The following CEP68 variants were observed in gnomAD, a reference collection of about 807,000 sequenced individuals.
CEP68 encodes the protein centrosomal protein 68.
In CEP68, 26 loss-of-function variants were observed where a neutral mutation model predicts 55.3. That is an observed-to-expected ratio of 0.47 (90% CI 0.34 to 0.65). The LOEUF (loss-of-function observed/expected upper bound fraction) is 0.65. Ranked by LOEUF, CEP68 falls within the 30% of genes least tolerant of loss-of-function variation. The probability of loss-of-function intolerance (pLI) is 0.01; values close to 1 mark genes in which losing one functional copy is unlikely to be tolerated. For missense variants in CEP68, 957 were observed against 946.7 expected, an observed-to-expected ratio of 1.01 and a Z score of -0.14; for synonymous variants, 402 against 383.2, an observed-to-expected ratio of 1.05 and a Z score of -0.57.
chr2:65,079,932 G>A (rs1395264365), intron 5 of CEP68, among the ~76,000 whole-genome samples: 1 of 152,138 alleles, frequency 6.6e-6, no homozygotes, highest in Non-Finnish European at 1.5e-5. Context: ...TCGGGAGTTT[G>A]AGACCAGCCT....
At position 65,069,650 on chromosome 2, in the gene CEP68, G is replaced by A; in HGVS notation, c.206G>A (p.Gly69Glu). The A allele has an allele frequency of 6.2e-7, 1 of 1,614,094 alleles. No homozygotes were observed. Among genetic ancestry groups the A allele is most frequent in the Non-Finnish European group, 8.5e-7 (1 of 1,180,028 alleles). Reference protein sequence around the residue: ...EGIPAPTCWIGTDPGGPSRAH... With the variant: ...EGIPAPTCWIETDPGGPSRAH... ...ATACCTGCCCCTACTTGCTGGATTG[G>A]GACTGACCCTGGCGGCCCCTCTAGA... Residue 69 changes from glycine (G) to glutamate (E), a missense_variant, in exon 2 of 7, where the codon GGG (glycine) becomes GAG (glutamate). By Grantham distance (98) the Gly-to-Glu change is moderately conservative (BLOSUM62 -2). Coordinates refer to ENST00000377990, the MANE Select transcript of CEP68 (RefSeq NM_015147.3).
chr2:65,072,225 C>T lies in CEP68; in HGVS notation c.1129C>T (p.Gln377Ter). ...TGGGCCCAGAGAGCCAAGCCTTAAGCAGTGGCCCTCCAGAGTACCCCAGAA... is the reference window on the plus strand; with the variant it reads ...TGGGCCCAGAGAGCCAAGCCTTAAGTAGTGGCCCTCCAGAGTACCCCAGAA... ...FSGPREPSLK[Q>*]WPSRVPQKQG... The change falls in exon 3 of 7, where the codon CAG becomes TAG. Residue 377 changes from glutamine to a stop codon, truncating the protein, a stop_gained. Transcript: ENST00000377990. LOFTEE classifies it high-confidence loss of function. 1 of 1,614,144 alleles carries T rather than the reference C, an allele frequency of 6.2e-7. No homozygotes were observed. The highest frequency in any genetic ancestry group is 8.5e-7 in the Non-Finnish European group (1 of 1,180,040).
chr2:65,069,388 C>G lies in CEP68; in HGVS notation c.-46-11C>G. On this transcript the variant is annotated splice_polypyrimidine_tract_variant and intron_variant, in intron 1 of 6. Coordinates refer to ENST00000377990, the MANE Select transcript of CEP68 (RefSeq NM_015147.3). ...GATTTATATTTTTCTCTCCCTTCCC[C>G]TGTTTTGTAGGAAGCTGAAGTCTTC... 7.7e-7 allele frequency: 1 copy of G among 1,301,236 alleles called. No individual in the cohort carries two copies. The highest frequency in any genetic ancestry group is 2.3e-5 in the East Asian group (1 of 42,660). The allele number at this position is 1,301,236 out of a possible 1,614,324, so 80.6% of individuals were successfully genotyped here.
chr2:65,064,069 C>T (rs539100038), intron 1 of CEP68, among the ~76,000 whole-genome samples: 6 of 152,278 alleles, frequency 3.9e-5, no homozygotes, highest in Non-Finnish European at 4.4e-5. Context: ...ACCTTCATTC[C>T]GTCTTTACAG....
chr2:65,072,303 GC>G lies in CEP68; in HGVS notation c.1211del (p.Pro404GlnfsTer15). The G allele has an allele frequency of 6.2e-7, 1 of 1,614,062 alleles. No homozygotes were observed. The highest frequency in any genetic ancestry group is 8.5e-7 in the Non-Finnish European group (1 of 1,180,022). On this transcript the variant is annotated frameshift_variant, in exon 3 of 7. Transcript: ENST00000377990. LOFTEE classifies it high-confidence loss of function. The part of the protein sequence containing the change: ...SWSQLASTPR[A>X]PGSRDARWER... ...GAGCCAACTTGCATCTACCCCCAGAGCCCCAGGCAGTAGGGATGCTCGTTGG... is the reference window on the plus strand; with the variant it reads ...GAGCCAACTTGCATCTACCCCCAGAGCCCAGGCAGTAGGGATGCTCGTTGG...
At position 65,072,662 on chromosome 2, in the gene CEP68, A is replaced by G; in HGVS notation, c.1566A>G (p.Ser522=). Residue 522 remains serine (S), a synonymous_variant, in exon 3 of 7, where the codon TCA becomes TCG. Coordinates refer to ENST00000377990, the MANE Select transcript of CEP68 (RefSeq NM_015147.3). ...DIKGQSPLEV[S]DSDGPASFPS... is the part of the protein sequence containing the mutation. ...AAGGGCAGAGCCCCTTGGAAGTGTC[A>G]GACAGTGATGGGCCAGCTTCCTTCC... is the stretch of plus-strand genomic sequence containing the variant. 6.2e-7 allele frequency: 1 copy of G among 1,614,168 alleles called. No homozygotes were observed. The highest frequency in any genetic ancestry group is 8.5e-7 in the Non-Finnish European group (1 of 1,180,024).
In CEP68 at chr2:65,072,777, T is replaced by TC; in HGVS notation, c.1683dup (p.Phe562LeufsTer35). 1.2e-6 allele frequency: 2 copies of TC among 1,614,084 alleles called. No individual in the cohort carries two copies. The highest frequency in any genetic ancestry group is 1.7e-6 in the Non-Finnish European group (2 of 1,180,008). ...GGGCCAGAATCCCTGTTTCCTGCGC[T>TC]CCTTCGTCCGTGCCCACGACTCCGC... On this transcript the variant is annotated frameshift_variant, in exon 3 of 7. Coordinates refer to ENST00000377990, the MANE Select transcript of CEP68 (RefSeq NM_015147.3). LOFTEE classifies it high-confidence loss of function.
rs776990295 is a variant in CEP68, at chr2:65,072,208, G to C, written c.1112G>C (p.Arg371Thr). ...EATALPFSGP[R>T]EPSLKQWPSR... ...ACTGCCCTGCCATTTTCTGGGCCCA[G>C]AGAGCCAAGCCTTAAGCAGTGGCCC... Residue 371 changes from arginine (R) to threonine (T), a missense_variant, in exon 3 of 7, where the codon AGA (arginine) becomes ACA (threonine). Arg to Thr is a moderately conservative substitution (Grantham distance 71). Coordinates refer to ENST00000377990, the MANE Select transcript of CEP68 (RefSeq NM_015147.3). The C allele has an allele frequency of 3.7e-6, 6 of 1,613,996 alleles. No individual in the cohort carries two copies. In the African/African-American group the frequency reaches 5.3e-5, roughly 14 times the overall value.
In CEP68 at chr2:65,072,800, C is replaced by T. The variant is rs372284760; in HGVS notation, c.1704C>T (p.Ser568=). Residue 568 remains serine (S), a synonymous_variant, in exon 3 of 7, where the codon TCC becomes TCT. Coordinates refer to ENST00000377990, the MANE Select transcript of CEP68 (RefSeq NM_015147.3). The stretch of plus-strand genomic sequence containing the variant: ...GCTCCTTCGTCCGTGCCCACGACTC[C>T]GCAGGGGAAGGCAGTCTGGGGAGCA... The part of the protein sequence containing the change: ...FLRSFVRAHD[S]AGEGSLGSSQ... The T allele has an allele frequency of 3.7e-5, 60 of 1,614,014 alleles. No homozygotes were observed. The highest frequency in any genetic ancestry group is 2.7e-4 in the Admixed American group (16 of 59,992).
chr2:65,076,997 T>TC (rs1387213019), intron 4 of CEP68, among the ~76,000 whole-genome samples: 1 of 40,124 alleles, frequency 2.5e-5, no homozygotes, highest in Non-Finnish European at 4.1e-5. Context: ...GACTTTACCT[T>TC]TTTTTTTTTT....
At chr2:65,073,869 G>A (rs1156899168) in intron 3 of CEP68, 1 of 182,368 alleles carries the variant, frequency 5.5e-6, no homozygotes, top group African/African-American at 2.4e-5. Context: ...ATGAGGTAAA[G>A]TTGTTCTTCG....
chr2:65,057,402 C>T (rs1472591784), intron 1 of CEP68, among the ~76,000 whole-genome samples: 1 of 152,138 alleles, frequency 6.6e-6, no homozygotes, highest in African/African-American at 2.4e-5. Flanking sequence ...TTACTTTGTT[C>T]CCTCCATTCC....
intron 4 of CEP68, chr2:65,074,868 C>CT: frequency 4.0e-6 from 1 of 251,214 alleles, no homozygotes; most frequent in Non-Finnish European, 7.9e-6. Flanking sequence ...TAAATACAGA[C>CT]TTGCACTATT....
intron 6 of CEP68, among the ~76,000 whole-genome samples, chr2:65,083,153 G>C (rs1668915667): frequency 6.6e-6 from 1 of 152,148 alleles, no homozygotes; most frequent in African/African-American, 2.4e-5. Context: ...CAAGTGCTTA[G>C]AGAAACCCAG....
At chr2:65,077,789 C>A in intron 4 of CEP68, 79 bp from the exon 5 acceptor site, 1 of 1,066,372 alleles carries the variant, frequency 9.4e-7, no homozygotes, top group Non-Finnish European at 1.4e-6. Flanking sequence ...GGCTTCCCTA[C>A]ATGCTGTGCT....
intron 5 of CEP68, among the ~76,000 whole-genome samples, 157 bp downstream of exon 5, chr2:65,078,121 G>A (rs548122852): frequency 3.9e-5 from 6 of 152,206 alleles, no homozygotes; most frequent in South Asian, 2.1e-4. Context: ...AGCTCCACGC[G>A]TCGCTGCCCA....
intron 1 of CEP68, among the ~76,000 whole-genome samples, chr2:65,063,228 G>A (rs1483807043): frequency 6.6e-6 from 1 of 152,230 alleles, no homozygotes; most frequent in African/African-American, 2.4e-5. Context: ...GCAAAGTCCA[G>A]ATGGTCCCTA....
Position 65,071,563 on chromosome 2 carries a change from C to T in CEP68, c.467C>T (p.Ser156Phe), listed in dbSNP as rs1173174123. The change falls in exon 3 of 7, where the codon TCC becomes TTC. Residue 156 changes from serine to phenylalanine, a missense_variant. Physicochemically the swap from Ser to Phe is radical, Grantham distance 155. Transcript: ENST00000377990. ...GATGCTGATACCGAAGATGATCCAT[C>T]CCTAGCAGATTTGCCCCAGGCACTG... ...GHDADTEDDP[S>F]LADLPQALDL... 1 of 1,614,104 alleles carries T rather than the reference C, an allele frequency of 6.2e-7. No homozygotes were observed. Among genetic ancestry groups the T allele is most frequent in the Admixed American group, 1.7e-5 (1 of 60,012 alleles).
At chr2:65,064,146 C>G (rs1425876206) in intron 1 of CEP68, among the ~76,000 whole-genome samples, 1 of 152,156 alleles carries the variant, frequency 6.6e-6, no homozygotes, top group Non-Finnish European at 1.5e-5. Flanking sequence ...GGGACTTTGG[C>G]CACACTACTA....
Sources: allele counts gnomAD v4.1 joint callset (sites outside exome capture counted in the v4.1 genomes callset), GRCh38; gene constraint gnomAD v4.1.1; transcripts MANE v1.5; gene names NCBI Gene and HGNC (gene_info 2026-07-23, HGNC 2026-07-21).